LARS2: variants seen among roughly 807,000 people sequenced by gnomAD.
LARS2 encodes the protein leucyl-tRNA synthetase 2, mitochondrial, also known as leucine--tRNA ligase, mitochondrial.
LARS2 carries 81 observed loss-of-function variants against 116.6 expected under a neutral mutation model. The observed-to-expected ratio is 0.69, with a 90% CI of 0.58 to 0.84. The LOEUF is 0.84. Ranked by LOEUF, LARS2 falls within the 40% of genes least tolerant of loss-of-function variation. LARS2 has a pLI of 0.00. For synonymous variants in LARS2, 396 were observed against 407.2 expected, an observed-to-expected ratio of 0.97 and a Z score of 0.33; for missense variants, 968 against 1,114.5, an observed-to-expected ratio of 0.87 and a Z score of 1.87.
intron 7 of LARS2, among the ~76,000 whole-genome samples, chr3:45,457,939 A>G (rs1699240387): frequency 6.6e-6 from 1 of 152,230 alleles, no homozygotes; most frequent in African/African-American, 2.4e-5. Context: ...GACAGAGCTC[A>G]GAAGAGCTAC....
At chr3:45,392,762 C>G (rs1436618357) in intron 2 of LARS2, among the ~76,000 whole-genome samples, 2 of 152,134 alleles carry the variant, frequency 1.3e-5, no homozygotes, top group Admixed American at 1.3e-4. Flanking sequence ...TGTTATAAGC[C>G]TATATTGACC....
chr3:45,424,873 A>G (rs573288680), intron 6 of LARS2, among the ~76,000 whole-genome samples: 24 of 152,278 alleles, frequency 1.6e-4, no homozygotes, highest in African/African-American at 5.5e-4. Context: ...TTCCATTGTC[A>G]TCACCATCTC....
intron 7 of LARS2, among the ~76,000 whole-genome samples, chr3:45,452,354 G>A (rs1159467495): frequency 1.3e-5 from 2 of 150,964 alleles, no homozygotes; most frequent in East Asian, 1.9e-4. Flanking sequence ...ATGTTGAGGT[G>A]TGTTCCTACT....
chr3:45,486,619 A>G (rs1035689820), intron 11 of LARS2, among the ~76,000 whole-genome samples: 1 of 152,180 alleles, frequency 6.6e-6, no homozygotes, highest in Non-Finnish European at 1.5e-5. Flanking sequence ...TTTTCCCCTC[A>G]TAACGCTCAG....
At chr3:45,466,341 T>A (rs1309254793) in intron 8 of LARS2, among the ~76,000 whole-genome samples, 1 of 152,104 alleles carries the variant, frequency 6.6e-6, no homozygotes, top group Non-Finnish European at 1.5e-5. Flanking sequence ...GGAGAGTTAT[T>A]TGAACTTCAA....
At chr3:45,470,184 G>GT (rs1264002770) in intron 8 of LARS2, among the ~76,000 whole-genome samples, 1 of 152,008 alleles carries the variant, frequency 6.6e-6, no homozygotes, top group East Asian at 1.9e-4. Flanking sequence ...TGGTCATGTC[G>GT]TACCTTGTTC....
In LARS2 at chr3:45,539,923, A is replaced by G. The variant is rs377631401; in HGVS notation, c.2405-1906A>G. On this transcript the variant is annotated intron_variant, in intron 20 of 21. Transcript: ENST00000645846. ...GTGGTGTTTTGTAGAGTTGCTTTAT[A>G]TATACAAATAGTTATTAAATACATT... Among the ~76,000 whole-genome samples the G allele has an allele frequency of 2.4e-3, 372 of 152,284 alleles. 12 individuals are homozygous for G. In the South Asian group the frequency reaches 0.07, roughly 29 times the overall value.
intron 20 of LARS2, among the ~76,000 whole-genome samples, chr3:45,533,426 C>T (rs1244152500): frequency 2.0e-5 from 3 of 152,098 alleles, no homozygotes; most frequent in African/African-American, 7.2e-5. Context: ...GGATTACAGG[C>T]GTGAGCCACT....
intron 7 of LARS2, among the ~76,000 whole-genome samples, chr3:45,454,026 AG>A (rs890331768): frequency 2.0e-5 from 3 of 152,088 alleles, no homozygotes; most frequent in African/African-American, 7.2e-5. Context: ...AGGGCGAGGC[AG>A]GGAGGCAAGG....
chr3:45,542,786 T>A (rs2125772064), intron 21 of LARS2, among the ~76,000 whole-genome samples: 1 of 152,372 alleles, frequency 6.6e-6, no homozygotes, highest in Non-Finnish European at 1.5e-5. Context: ...AGTCTGACTC[T>A]ACATCAGGCA....
chr3:45,547,229 C>T (rs1700888689), intron 21 of LARS2, 122 bp from the exon 22 acceptor site: 2 of 862,702 alleles, frequency 2.3e-6, no homozygotes. Flanking sequence ...CCTTTCTCCA[C>T]CTCTATTCCT....
At chr3:45,481,462 C>T (rs528305453) in intron 10 of LARS2, among the ~76,000 whole-genome samples, 2 of 152,296 alleles carry the variant, frequency 1.3e-5, no homozygotes, top group South Asian at 4.1e-4. Context: ...TACATTCCCA[C>T]CAGCAGTGTA....
chr3:45,444,911 C>G (rs901643476), intron 6 of LARS2, among the ~76,000 whole-genome samples: 5 of 151,650 alleles, frequency 3.3e-5, no homozygotes, highest in African/African-American at 1.2e-4. Flanking sequence ...AATATTGAAC[C>G]TCTATCCCTT....
intron 7 of LARS2, among the ~76,000 whole-genome samples, chr3:45,455,168 A>G (rs1182189201): frequency 1.1e-5 from 1 of 92,906 alleles, no homozygotes; most frequent in African/African-American, 4.3e-5. Context: ...GGGTTTTATT[A>G]TGATGTGCAA....
chr3:45,433,182 A>T (rs972153584), intron 6 of LARS2, among the ~76,000 whole-genome samples: 1 of 152,028 alleles, frequency 6.6e-6, no homozygotes, highest in African/African-American at 2.4e-5. Flanking sequence ...AATTGAAAAC[A>T]GTTGGGTCAT....
chr3:45,478,293 A>G (rs1458347741), intron 10 of LARS2, among the ~76,000 whole-genome samples: 4 of 152,244 alleles, frequency 2.6e-5, no homozygotes, highest in Non-Finnish European at 5.9e-5. Context: ...CTTGAGGGCT[A>G]TGGTGGCTGA....
chr3:45,500,515 A>G lies in LARS2; in HGVS notation c.1696A>G (p.Met566Val). 2 of 1,592,354 alleles carry G rather than the reference A, an allele frequency of 1.3e-6. No individual in the cohort carries two copies. The highest frequency in any genetic ancestry group is 8.5e-7 in the Non-Finnish European group (1 of 1,171,834). Residue 566 changes from methionine to valine, a missense_variant, in exon 15 of 22, where the codon ATG becomes GTG. Physicochemically the swap from Met to Val is conservative, Grantham distance 21 (BLOSUM62 1). Transcript: ENST00000645846. Reference sequence around the variant, plus strand: ...CATTGGAGGGAAAGAACATGCCGTCATGCACTTGTTCTATGCAAGATTCTT... The same window carrying G: ...CATTGGAGGGAAAGAACATGCCGTCGTGCACTTGTTCTATGCAAGATTCTT... ...LYIGGKEHAVMHLFYARFFSH... is the reference protein window; with the variant it reads ...LYIGGKEHAVVHLFYARFFSH...
chr3:45,509,688 A>C (rs1475599239), intron 15 of LARS2: 2 of 152,154 alleles, frequency 1.3e-5, no homozygotes, highest in African/African-American at 4.8e-5. Context: ...AGCTTCAGCC[A>C]AGAGTGAAAA....
intron 4 of LARS2, among the ~76,000 whole-genome samples, chr3:45,415,181 G>C (rs1698393697): frequency 6.6e-6 from 1 of 152,132 alleles, no homozygotes; most frequent in South Asian, 2.1e-4. Context: ...ACTCCTGCTG[G>C]GCCACAGTTG....
Sources: gnomAD v4.1 joint callset for allele counts (sites outside exome capture counted in the v4.1 genomes callset) on GRCh38, gnomAD v4.1.1 for gene constraint, MANE v1.5 for transcripts, NCBI Gene and HGNC (gene_info 2026-07-23, HGNC 2026-07-21) for gene names.